Variants in HIPK3 observed in about 807,000 individuals in gnomAD.
HIPK3 encodes the protein homeodomain interacting protein kinase 3.
In HIPK3, 47 loss-of-function variants were observed where a neutral mutation model predicts 124.2. The ratio of observed to expected loss-of-function variants is 0.38; its 90% CI spans 0.30 to 0.48. The LOEUF (loss-of-function observed/expected upper bound fraction) is 0.48, where lower values mean the gene tolerates loss of function less well. Ranked by LOEUF, HIPK3 falls within the 20% of genes least tolerant of loss-of-function variation. The pLI, the probability that HIPK3 is intolerant of heterozygous loss-of-function variation, is 0.98. For missense variants in HIPK3, 1,286 were observed against 1,454.3 expected (o/e 0.88, Z 1.88); for synonymous variants, 482 against 515.2 (o/e 0.94, Z 0.87).
At chr11:33,342,616 G>T (rs266469) in intron 8 of HIPK3, among the ~76,000 whole-genome samples, 102,753 of 150,894 alleles carry the variant, frequency 0.68, 35,110 homozygotes, top group Non-Finnish European at 0.72. Flanking sequence ...CTATCTCGGC[G>T]CACTGCAACC....
At chr11:33,351,390 G>C (rs918487797) in intron 14 of HIPK3, among the ~76,000 whole-genome samples, 1 of 152,122 alleles carries the variant, frequency 6.6e-6, no homozygotes, top group African/African-American at 2.4e-5. Context: ...TGATGTTCCT[G>C]AAATGGAACA....
At chr11:33,262,369 A>C (rs1368604812) in intron 1 of HIPK3, among the ~76,000 whole-genome samples, 2 of 152,220 alleles carry the variant, frequency 1.3e-5, no homozygotes, top group Non-Finnish European at 2.9e-5. Context: ...TGTATGTTAC[A>C]CATTTATAAG....
At chr11:33,329,767 A>G (rs1050846213) in intron 3 of HIPK3, among the ~76,000 whole-genome samples, 1 of 152,228 alleles carries the variant, frequency 6.6e-6, no homozygotes, top group Non-Finnish European at 1.5e-5. Flanking sequence ...GCTTTGATAC[A>G]GATGCAAGAC....
In HIPK3 at chr11:33,341,618, G is replaced by C. The variant is rs765113008; in HGVS notation, c.1829G>C (p.Gly610Ala). 17 of 1,613,686 alleles carry C rather than the reference G, an allele frequency of 1.1e-5. No homozygotes were observed. In the East Asian group the frequency reaches 3.8e-4, roughly 36 times the overall value. Residue 610 changes from glycine to alanine, a missense_variant, in exon 8 of 17, where the codon GGA becomes GCA. Physicochemically the swap from Gly to Ala is moderately conservative, Grantham distance 60. This residue lies in a region of HIPK3 where 810 missense variants were observed against 864.9 expected (regional missense o/e 0.94). Coordinates refer to ENST00000303296, the MANE Select transcript of HIPK3 (RefSeq NM_005734.5). Reference sequence around the variant, plus strand: ...CACCATGGAATACCTCTGCAGGCAGGAACTGCTCAGTTTGGTTGTGGTGAT... The same window carrying C: ...CACCATGGAATACCTCTGCAGGCAGCAACTGCTCAGTTTGGTTGTGGTGAT... ...VVHHGIPLQA[G>A]TAQFGCGDAF...
At chr11:33,330,452 C>A (rs1233311473) in intron 3 of HIPK3, among the ~76,000 whole-genome samples, 2 of 152,206 alleles carry the variant, frequency 1.3e-5, no homozygotes, top group African/African-American at 4.8e-5. Flanking sequence ...CCTCAGCCTC[C>A]TGAGTAGCTG....
intron 1 of HIPK3, chr11:33,258,603 C>T (rs1306518573): frequency 2.0e-6 from 2 of 985,236 alleles, no homozygotes; most frequent in Non-Finnish European, 2.4e-6. Context: ...CCGCCCGCTT[C>T]CCTTCGCCGC....
chr11:33,317,118 G>A (rs1852525312), intron 2 of HIPK3, among the ~76,000 whole-genome samples: 1 of 151,748 alleles, frequency 6.6e-6, no homozygotes, highest in South Asian at 2.1e-4. Flanking sequence ...TTACAGGTGT[G>A]CGCCACCATG....
At chr11:33,351,983 G>C (rs1853675826) in intron 15 of HIPK3, 140 bp downstream of exon 15, 2 of 978,298 alleles carry the variant, frequency 2.0e-6, no homozygotes. Context: ...AAATCTTCTA[G>C]TATTATCCAG....
intron 2 of HIPK3, among the ~76,000 whole-genome samples, chr11:33,296,252 G>T (rs138775531): frequency 0.01 from 1,560 of 152,252 alleles, 8 homozygotes; most frequent in Non-Finnish European, 0.015. Flanking sequence ...TTTCTTCAGG[G>T]TTTACTTTCT....
rs58901278 is a variant in HIPK3, at chr11:33,351,989, T to C, written c.3043+146T>C. 10,872 of 994,400 alleles carry C rather than the reference T, an allele frequency of 0.011. 820 individuals carry two copies. In the Admixed American group the frequency reaches 0.16, roughly 15 times the overall value. 61.6% of individuals were successfully genotyped at this position (994,400 alleles called of 1,614,324 possible). On this transcript the variant is annotated intron_variant, in intron 15 of 16. Transcript: ENST00000303296. ...GTACAGAGGAAATCTTCTAGTATTA[T>C]CCAGTGCTTGGAAACCATGACCTCT...
chr11:33,337,049 A>G lies in HIPK3; in HGVS notation c.1222-26A>G, dbSNP rs374300379. On this transcript the variant is annotated intron_variant, in intron 3 of 16. Coordinates refer to ENST00000303296, the MANE Select transcript of HIPK3 (RefSeq NM_005734.5). ...GTTCTGTCACATGAAAGAATAAACT[A>G]TTCTGTTCTGTAAATTATTTTTCAG... 2.7e-5 allele frequency: 42 copies of G among 1,557,338 alleles called. No homozygotes were observed. The South Asian group carries it at 2.8e-4, about 10-fold the overall frequency.
chr11:33,268,439 C>T (rs1034524329), intron 1 of HIPK3, among the ~76,000 whole-genome samples: 1 of 151,166 alleles, frequency 6.6e-6, no homozygotes, highest in African/African-American at 2.4e-5. Context: ...ATAAAAAATA[C>T]AATTACCTGA....
chr11:33,351,336 A>G (rs1853651253), intron 14 of HIPK3, among the ~76,000 whole-genome samples: 1 of 152,170 alleles, frequency 6.6e-6, no homozygotes, highest in East Asian at 1.9e-4. Flanking sequence ...AGCTGCTACT[A>G]AGGATCAAAT....
At chr11:33,309,692 C>T (rs1020422473) in intron 2 of HIPK3, among the ~76,000 whole-genome samples, 14 of 152,290 alleles carry the variant, frequency 9.2e-5, no homozygotes, top group South Asian at 2.1e-4. Flanking sequence ...TAACATTTTG[C>T]GACATTTGCT....
At chr11:33,293,516 A>G (rs1851756386) in intron 2 of HIPK3, among the ~76,000 whole-genome samples, 1 of 152,092 alleles carries the variant, frequency 6.6e-6, no homozygotes, top group South Asian at 2.1e-4. Context: ...ATGTAACCAT[A>G]CAATATATGG....
At chr11:33,276,164 C>G (rs1368510129) in intron 1 of HIPK3, among the ~76,000 whole-genome samples, 1 of 152,020 alleles carries the variant, frequency 6.6e-6, no homozygotes, top group African/African-American at 2.4e-5. Flanking sequence ...CTTTTTTTCT[C>G]TGTATCTATA....
At chr11:33,319,064 C>G (rs2133955093) in intron 2 of HIPK3, among the ~76,000 whole-genome samples, 1 of 152,272 alleles carries the variant, frequency 6.6e-6, no homozygotes, top group East Asian at 1.9e-4. Flanking sequence ...AATTTGGTTG[C>G]TTCAGAAACA....
At position 33,268,924 on chromosome 11, in the gene HIPK3, AT is replaced by A. The variant is rs144267811; in HGVS notation, c.-3+11040del. On this transcript the variant is annotated intron_variant, in intron 1 of 16. Transcript: ENST00000303296. Reference sequence around the variant, plus strand: ...AACCTATTAGAAGTTAATATATAACATTTTTGGGAATGTTATACTTTCATTT... The same window carrying A: ...AACCTATTAGAAGTTAATATATAACATTTTGGGAATGTTATACTTTCATTT... 8.9e-3 allele frequency among the ~76,000 whole-genome samples: 1,352 copies of A among 152,242 alleles called. 16 individuals carry two copies. Among genetic ancestry groups the A allele is most frequent in the African/African-American group, 0.03 (1,237 of 41,554 alleles).
rs796686964 is a variant in HIPK3 at position 33,310,751 on chromosome 11, C to T, written c.1098-17759C>T. Among the ~76,000 whole-genome samples the T allele has an allele frequency of 5.3e-5, 8 of 152,146 alleles. No homozygotes were observed. The South Asian group carries it at 6.2e-4, about 12-fold the overall frequency. ...ACAGATAGGAACATTTCCGTTGTTG[C>T]GAAAATACGGTAGGACAGCGGTATG... On this transcript the variant is annotated intron_variant, in intron 2 of 16. Coordinates refer to ENST00000303296, the MANE Select transcript of HIPK3 (RefSeq NM_005734.5).
Sources: allele counts gnomAD v4.1 joint callset (sites outside exome capture counted in the v4.1 genomes callset), GRCh38; gene constraint gnomAD v4.1.1; regional missense constraint gnomAD v4.1.1; transcripts MANE v1.5; gene names NCBI Gene and HGNC (gene_info 2026-07-23, HGNC 2026-07-21).